Variants in RXFP1 observed in about 807,000 individuals in gnomAD.
The protein encoded by RXFP1 is relaxin family peptide receptor 1.
RXFP1 carries 73 observed loss-of-function variants against 89.8 expected under a neutral mutation model. The observed-to-expected ratio is 0.81, with a 90% CI of 0.67 to 0.99. The LOEUF (loss-of-function observed/expected upper bound fraction) is 0.99. RXFP1 is among the 50% of genes least tolerant of loss of function. The probability of loss-of-function intolerance (pLI) is 0.00; values close to 1 mark genes in which losing one functional copy is unlikely to be tolerated. For missense variants in RXFP1, 793 were observed against 895.5 expected, an observed-to-expected ratio of 0.89 and a Z score of 1.46; for synonymous variants, 277 against 305.5, an observed-to-expected ratio of 0.91 and a Z score of 0.97.
At chr4:158,568,002 G>A (rs902639783) in intron 1 of RXFP1, among the ~76,000 whole-genome samples, 1 of 152,144 alleles carries the variant, frequency 6.6e-6, no homozygotes, top group African/African-American at 2.4e-5. Flanking sequence ...TCACCTCTAA[G>A]GTATAAAGCT....
At position 158,522,038 on chromosome 4, in the gene RXFP1, A is replaced by G. The variant is rs1438140279; in HGVS notation, c.49+13A>G. Reference sequence around the variant, plus strand: ...TTTGGAAAATATTGTAAGTATGCTCAGTATCTAATTTTGTATACCTTAGTA... The same window carrying G: ...TTTGGAAAATATTGTAAGTATGCTCGGTATCTAATTTTGTATACCTTAGTA... On this transcript the variant is annotated intron_variant, in intron 1 of 17. Transcript: ENST00000307765. 2 of 1,512,232 alleles carry G rather than the reference A, an allele frequency of 1.3e-6. No individual in the cohort carries two copies. Among genetic ancestry groups the G allele is most frequent in the African/African-American group, 1.4e-5 (1 of 72,784 alleles). 93.7% of individuals were successfully genotyped at this position (1,512,232 alleles called of 1,614,324 possible).
chr4:158,544,469 T>G (rs1164527846), intron 1 of RXFP1: 9 of 580,946 alleles, frequency 1.5e-5, no homozygotes, highest in Non-Finnish European at 1.5e-5. Flanking sequence ...ATTATTATAC[T>G]TTAAGTTTTA....
intron 1 of RXFP1, among the ~76,000 whole-genome samples, chr4:158,537,732 A>T (rs1745613202): frequency 6.6e-6 from 1 of 152,222 alleles, no homozygotes; most frequent in African/African-American, 2.4e-5. Flanking sequence ...AAGATCCCTC[A>T]CCTATGGGAA....
At chr4:158,644,249 T>C (rs558317501) in intron 14 of RXFP1, among the ~76,000 whole-genome samples, 1 of 152,080 alleles carries the variant, frequency 6.6e-6, no homozygotes, top group South Asian at 2.1e-4. Flanking sequence ...GGTTTTACCA[T>C]ATTAGCCAAG....
intron 1 of RXFP1, among the ~76,000 whole-genome samples, chr4:158,558,533 T>G (rs548898767): frequency 4.8e-4 from 73 of 152,298 alleles, no homozygotes; most frequent in African/African-American, 1.7e-3. Context: ...CTTTCCTTAA[T>G]AACTACAAAA....
chr4:158,627,825 A>C (rs561813283), intron 10 of RXFP1, among the ~76,000 whole-genome samples: 1 of 152,272 alleles, frequency 6.6e-6, no homozygotes, highest in African/African-American at 2.4e-5. Context: ...ACCAAATTGC[A>C]CCTGAAGGAC....
intron 2 of RXFP1, among the ~76,000 whole-genome samples, chr4:158,591,115 A>G (rs979080419): frequency 6.6e-6 from 1 of 152,224 alleles, no homozygotes. Context: ...AAGCTTATCT[A>G]TAACAAGAAT....
chr4:158,626,753 A>C, intron 9 of RXFP1, 67 bp from the exon 10 acceptor site: 1 of 981,984 alleles, frequency 1.0e-6, no homozygotes, highest in Non-Finnish European at 1.5e-6. Context: ...GAAGGCAAAT[A>C]ATTTTAACCA....
intron 11 of RXFP1, among the ~76,000 whole-genome samples, chr4:158,632,519 G>C (rs1241481108): frequency 6.6e-6 from 1 of 152,070 alleles, no homozygotes; most frequent in Non-Finnish European, 1.5e-5. Context: ...TTGTATAAAA[G>C]AATCTGAGGC....
chr4:158,590,299 G>A (rs1225116408), intron 2 of RXFP1, among the ~76,000 whole-genome samples: 2 of 152,182 alleles, frequency 1.3e-5, no homozygotes, highest in East Asian at 3.9e-4. Flanking sequence ...CGAGTAGCTG[G>A]GACTACAGGC....
chr4:158,651,735 C>T lies in RXFP1; in HGVS notation c.1976-22C>T, dbSNP rs199740943. 86 of 1,564,464 alleles carry T rather than the reference C, an allele frequency of 5.5e-5. No individual in the cohort carries two copies. The Admixed American group carries it at 6.1e-4, about 11-fold the overall frequency. ...TTGTAAACATCTATAAACACTAAAA[C>T]TATTTCATTTTTCTTTTTTAGGTAC... is the stretch of plus-strand genomic sequence containing the variant. On this transcript the variant is annotated intron_variant, in intron 17 of 17. Coordinates refer to ENST00000307765, the MANE Select transcript of RXFP1 (RefSeq NM_021634.4).
chr4:158,608,051 C>T lies in RXFP1; in HGVS notation c.536+8C>T. The stretch of plus-strand genomic sequence containing the variant: ...GAATAGCCTTACTAAACTGTAAGTA[C>T]CAGTGTGAATTAATTTGCCCATTCC... On this transcript the variant is annotated splice_region_variant and intron_variant, in intron 6 of 17. Coordinates refer to ENST00000307765, the MANE Select transcript of RXFP1 (RefSeq NM_021634.4). 1 of 1,568,588 alleles carries T rather than the reference C, an allele frequency of 6.4e-7. No individual in the cohort carries two copies. Among genetic ancestry groups the T allele is most frequent in the Non-Finnish European group, 8.8e-7 (1 of 1,141,316 alleles).
At chr4:158,597,575 TA>T (rs1231097956) in intron 3 of RXFP1, among the ~76,000 whole-genome samples, 2 of 152,236 alleles carry the variant, frequency 1.3e-5, no homozygotes, top group African/African-American at 4.8e-5. Context: ...TGTAATAGTA[TA>T]TTTTGTAAGT....
intron 8 of RXFP1, among the ~76,000 whole-genome samples, chr4:158,613,395 T>C (rs1366093805): frequency 6.6e-6 from 1 of 152,258 alleles, no homozygotes; most frequent in African/African-American, 2.4e-5. Context: ...CAAGAGAATT[T>C]CTTTCAAAAT....
Position 158,537,137 on chromosome 4 carries a change from G to C in RXFP1, c.49+15112G>C, listed in dbSNP as rs114250882. The stretch of plus-strand genomic sequence containing the variant: ...TTGATTAACATAGATATATGCTCTA[G>C]AATCTAAATCTAAAATCCAACCTCT... On this transcript the variant is annotated intron_variant, in intron 1 of 17. Transcript: ENST00000307765. Among the ~76,000 whole-genome samples, 1,465 of 152,124 alleles carry C rather than the reference G, an allele frequency of 9.6e-3. 24 individuals are homozygous for C. The highest frequency in any genetic ancestry group is 0.034 in the African/African-American group (1,394 of 41,494).
At chr4:158,552,026 C>A (rs1197302347) in intron 1 of RXFP1, among the ~76,000 whole-genome samples, 1 of 152,100 alleles carries the variant, frequency 6.6e-6, no homozygotes, top group Non-Finnish European at 1.5e-5. Context: ...GTTGGGGACA[C>A]TTTGACAATA....
chr4:158,525,187 A>G (rs960602253), intron 1 of RXFP1, among the ~76,000 whole-genome samples: 25 of 146,394 alleles, frequency 1.7e-4, no homozygotes, highest in Non-Finnish European at 2.7e-4. Context: ...TGCAGACCAC[A>G]GAGGTATACT....
At chr4:158,613,834 A>G (rs1764008155) in intron 8 of RXFP1, among the ~76,000 whole-genome samples, 1 of 152,206 alleles carries the variant, frequency 6.6e-6, no homozygotes, top group African/African-American at 2.4e-5. Context: ...TTTTTAATTG[A>G]CTTTGCCCAA....
intron 1 of RXFP1, among the ~76,000 whole-genome samples, chr4:158,563,712 A>C (rs1022698486): frequency 4.6e-5 from 7 of 152,036 alleles, no homozygotes; most frequent in African/African-American, 1.7e-4. Context: ...ACAGAGTTGT[A>C]ACATATACTC....
Sources: gnomAD v4.1 joint callset for allele counts (sites outside exome capture counted in the v4.1 genomes callset) on GRCh38, gnomAD v4.1.1 for gene constraint, MANE v1.5 for transcripts, NCBI Gene and HGNC (gene_info 2026-07-23, HGNC 2026-07-21) for gene names.